Variants in TDRD7 observed in about 807,000 individuals in gnomAD.
The protein encoded by TDRD7 is tudor domain-containing protein 7.
In TDRD7, 47 loss-of-function variants were observed where a neutral mutation model predicts 109.8. That is an observed-to-expected ratio of 0.43 (90% confidence interval 0.34 to 0.55). The LOEUF is 0.55. Among genes scored for constraint, TDRD7 ranks in the 20% least tolerant of loss-of-function variants. The pLI, the probability that TDRD7 is intolerant of heterozygous loss-of-function variation, is 0.03. For synonymous variants in TDRD7, 424 were observed against 457.3 expected (o/e 0.93, Z 0.93); for missense variants, 1,164 against 1,319.2 (o/e 0.88, Z 1.82).
rs1471346110 is a variant in TDRD7, at chr9:97,432,234, A to G, written c.559A>G (p.Asn187Asp). ...VQRHVTMSTN[N>D]RFSPKASLQP... The stretch of plus-strand genomic sequence containing the variant: ...AAGGCATGTGACCATGTCCACCAAC[A>G]ACAGGTATTTGGCCTCTGACTCACA... The change falls in exon 4 of 17, where the codon AAC becomes GAC. Residue 187 changes from asparagine to aspartate, a missense_variant. This residue lies in a region of TDRD7 where 407 missense variants were observed against 394.0 expected (regional missense o/e 1.03). Transcript: ENST00000355295. 1 of 1,613,638 alleles carries G rather than the reference A, an allele frequency of 6.2e-7. No individual in the cohort carries two copies. Among genetic ancestry groups the G allele is most frequent in the Non-Finnish European group, 8.5e-7 (1 of 1,179,642 alleles).
At chr9:97,467,546 A>C (rs763004241) in intron 8 of TDRD7, among the ~76,000 whole-genome samples, 2 of 152,368 alleles carry the variant, frequency 1.3e-5, no homozygotes, top group Non-Finnish European at 2.9e-5. Context: ...AGAACAAAAC[A>C]TACAAGTCCT....
intron 4 of TDRD7, 130 bp downstream of exon 4, chr9:97,432,368 A>T: frequency 1.2e-6 from 1 of 804,772 alleles, no homozygotes; most frequent in Admixed American, 2.0e-5. Flanking sequence ...ATGCATCATT[A>T]CCAGTTAAGT....
At chr9:97,471,261 G>T (rs575516065) in intron 9 of TDRD7, among the ~76,000 whole-genome samples, 3 of 152,304 alleles carry the variant, frequency 2.0e-5, no homozygotes, top group Admixed American at 6.5e-5. Flanking sequence ...GAAAGGCATT[G>T]AAATATGCAC....
chr9:97,495,261 TC>T (rs994224664), intron 16 of TDRD7, among the ~76,000 whole-genome samples: 10 of 152,176 alleles, frequency 6.6e-5, no homozygotes, highest in African/African-American at 2.4e-4. Flanking sequence ...ATACAATAAT[TC>T]TTTTTTTTTA....
At chr9:97,469,478 G>T (rs1828876284) in intron 8 of TDRD7, among the ~76,000 whole-genome samples, 1 of 152,184 alleles carries the variant, frequency 6.6e-6, no homozygotes, top group African/African-American at 2.4e-5. Context: ...TGCTGGGAAG[G>T]GTTTTTGTTT....
intron 2 of TDRD7, among the ~76,000 whole-genome samples, chr9:97,429,012 A>G (rs756581035): frequency 3.3e-5 from 5 of 152,210 alleles, no homozygotes; most frequent in Non-Finnish European, 7.4e-5. Context: ...TGTTTTTGCC[A>G]AAGTCACTAA....
At chr9:97,440,211 A>G (rs926932453) in intron 5 of TDRD7, among the ~76,000 whole-genome samples, 3 of 152,246 alleles carry the variant, frequency 2.0e-5, no homozygotes, top group African/African-American at 7.2e-5. Flanking sequence ...AACTACTTCT[A>G]CAGAAACAAG....
rs1828708166 is a variant in TDRD7, at chr9:97,460,903, A to T, written c.1442+139A>T. Reference sequence around the variant, plus strand: ...ACACCTGTAATCCCAGCACTTTGGGAGGCCGAGGTGGGCGGATCACAAGGT... The same window carrying T: ...ACACCTGTAATCCCAGCACTTTGGGTGGCCGAGGTGGGCGGATCACAAGGT... On this transcript the variant is annotated intron_variant, in intron 7 of 16. Coordinates refer to ENST00000355295, the MANE Select transcript of TDRD7 (RefSeq NM_014290.3). 5.1e-6 allele frequency: 4 copies of T among 791,666 alleles called. No individual in the cohort carries two copies. In the East Asian group the frequency reaches 1.1e-4, roughly 22 times the overall value. 49.0% of individuals were successfully genotyped at this position (791,666 alleles called of 1,614,324 possible). A position where few individuals can be genotyped will look rare whatever the true frequency, so the allele number is the denominator to read the frequency against.
In TDRD7 at chr9:97,428,687, G is replaced by A; in HGVS notation, c.207+15G>A. On this transcript the variant is annotated intron_variant, in intron 2 of 16. Transcript: ENST00000355295. ...GATCTGGAGAGGTAAGAAGGTAATT[G>A]TGCGTGTCAGAAGAATCAAACCAAT... is the stretch of plus-strand genomic sequence containing the variant. The A allele has an allele frequency of 6.2e-7, 1 of 1,610,978 alleles. No homozygotes were observed. Among genetic ancestry groups the A allele is most frequent in the Non-Finnish European group, 8.5e-7 (1 of 1,178,834 alleles).
At chr9:97,486,137 T>A (rs1268500665) in intron 15 of TDRD7, among the ~76,000 whole-genome samples, 1 of 152,190 alleles carries the variant, frequency 6.6e-6, no homozygotes, top group Non-Finnish European at 1.5e-5. Flanking sequence ...TCTGGTGGGC[T>A]TCTGGCTGGC....
At chr9:97,457,264 A>C (rs1204821096) in intron 6 of TDRD7, among the ~76,000 whole-genome samples, 1 of 152,174 alleles carries the variant, frequency 6.6e-6, no homozygotes, top group African/African-American at 2.4e-5. Flanking sequence ...TATGGCGACA[A>C]TTCCTCAAGG....
intron 5 of TDRD7, 134 bp from the exon 6 acceptor site, chr9:97,441,524 C>A (rs557084922): frequency 1.6e-5 from 12 of 749,316 alleles, no homozygotes; most frequent in Non-Finnish European, 2.3e-5. Context: ...TCTGCCTAAT[C>A]CTGCTCCCTT....
Position 97,473,569 on chromosome 9 carries a change from G to T in TDRD7, c.2022G>T (p.Lys674Asn), listed in dbSNP as rs758890179. ...DGTLYCQVPC[K>N]GLNKLSDLLR... ...CACTCTACTGCCAGGTGCCTTGTAA[G>T]GGTCTGAACAAGCTCAGTGACCTTC... The change falls in exon 11 of 17, where the codon AAG (lysine) becomes AAT (asparagine). Residue 674 changes from lysine (K) to asparagine (N), a missense_variant. Physicochemically the swap from Lys to Asn is moderately conservative, Grantham distance 94. Coordinates refer to ENST00000355295, the MANE Select transcript of TDRD7 (RefSeq NM_014290.3). The T allele has an allele frequency of 1.9e-6, 3 of 1,613,724 alleles. No homozygotes were observed. The highest frequency in any genetic ancestry group is 1.7e-6 in the Non-Finnish European group (2 of 1,179,824).
intron 12 of TDRD7, among the ~76,000 whole-genome samples, chr9:97,475,778 A>C (rs1300357352): frequency 6.6e-6 from 1 of 152,204 alleles, no homozygotes; most frequent in Non-Finnish European, 1.5e-5. Flanking sequence ...AATAGTGGAA[A>C]TATATTAATG....
chr9:97,420,804 G>T (rs1827886648), intron 1 of TDRD7, among the ~76,000 whole-genome samples: 1 of 152,170 alleles, frequency 6.6e-6, no homozygotes, highest in Non-Finnish European at 1.5e-5. Context: ...GGAGAGGACT[G>T]CTGGGTTATA....
At chr9:97,458,157 G>C (rs1828652666) in intron 6 of TDRD7, among the ~76,000 whole-genome samples, 1 of 152,132 alleles carries the variant, frequency 6.6e-6, no homozygotes, top group Non-Finnish European at 1.5e-5. Flanking sequence ...ATATAATGGA[G>C]TAGGCTATAC....
At chr9:97,448,746 G>A (rs1828441081) in intron 6 of TDRD7, among the ~76,000 whole-genome samples, 1 of 152,144 alleles carries the variant, frequency 6.6e-6, no homozygotes, top group South Asian at 2.1e-4. Flanking sequence ...ATTGGGTGGT[G>A]ACCATATAAA....
chr9:97,435,961 T>A (rs1828187832), intron 4 of TDRD7, among the ~76,000 whole-genome samples: 1 of 152,108 alleles, frequency 6.6e-6, no homozygotes, highest in Admixed American at 6.6e-5. Context: ...CCCAGAAAAA[T>A]TCACACATGT....
In TDRD7 at chr9:97,487,343, T is replaced by C. The variant is rs1277708852; in HGVS notation, c.3076+11T>C. 6.2e-7 allele frequency: 1 copy of C among 1,613,860 alleles called. No homozygotes were observed. The highest frequency in any genetic ancestry group is 1.1e-5 in the South Asian group (1 of 91,084). On this transcript the variant is annotated intron_variant, in intron 16 of 16. Coordinates refer to ENST00000355295, the MANE Select transcript of TDRD7 (RefSeq NM_014290.3). Reference sequence around the variant, plus strand: ...CAGCTCAACTTGCAGGTAATTTCTGTGGAATCTGAACTCATGCTACAACAA... The same window carrying C: ...CAGCTCAACTTGCAGGTAATTTCTGCGGAATCTGAACTCATGCTACAACAA...
Sources: allele counts gnomAD v4.1 joint callset (sites outside exome capture counted in the v4.1 genomes callset), GRCh38; gene constraint gnomAD v4.1.1; regional missense constraint gnomAD v4.1.1; transcripts MANE v1.5; gene names NCBI Gene and HGNC (gene_info 2026-07-23, HGNC 2026-07-21).